The following IFT88 variants were observed in gnomAD, a reference collection of about 807,000 sequenced individuals.
IFT88 encodes the protein intraflagellar transport 88.
Under a neutral mutation model 119.5 loss-of-function variants are expected in IFT88, and 74 were observed. The observed-to-expected ratio is 0.62, with a 90% CI of 0.51 to 0.75. The LOEUF (loss-of-function observed/expected upper bound fraction) is 0.75, where lower values mean the gene tolerates loss of function less well. Ranked by LOEUF, IFT88 falls within the 30% of genes least tolerant of loss-of-function variation. The pLI is 0.00. For missense variants in IFT88, 961 were observed against 977.7 expected (o/e 0.98, Z 0.23); for synonymous variants, 279 against 316.7 (o/e 0.88, Z 1.26).
At chr13:20,607,519 C>G (rs545169881) in intron 13 of IFT88, 2 of 691,048 alleles carry the variant, frequency 2.9e-6, no homozygotes, top group Admixed American at 3.9e-5. Flanking sequence ...TGTGGGGAGG[C>G]CGCCACGCTG....
Position 20,589,847 on chromosome 13 carries a change from C to G in IFT88, c.190C>G (p.Pro64Ala). Residue 64 changes from proline (P) to alanine (A), a missense_variant, in exon 4 of 26, where the codon CCT becomes GCT. Transcript: ENST00000351808. ...AKISSTAVTR[P>A]IATGYGSKTS... Reference sequence around the variant, plus strand: ...AATATCAAGCACGGCAGTTACTAGACCTATAGCTACTGGATATGGGGTAGG... The same window carrying G: ...AATATCAAGCACGGCAGTTACTAGAGCTATAGCTACTGGATATGGGGTAGG... 1 of 1,597,186 alleles carries G rather than the reference C, an allele frequency of 6.3e-7. No individual in the cohort carries two copies. Among genetic ancestry groups the G allele is most frequent in the Non-Finnish European group, 8.6e-7 (1 of 1,168,452 alleles).
intron 23 of IFT88, among the ~76,000 whole-genome samples, chr13:20,667,786 A>G (rs2054998044): frequency 6.6e-6 from 1 of 151,722 alleles, no homozygotes; most frequent in Non-Finnish European, 1.5e-5. Context: ...GTTTCCCCCA[A>G]GCTGTATAAG....
At chr13:20,651,249 T>A (rs753797111) in intron 20 of IFT88, among the ~76,000 whole-genome samples, 44 of 151,966 alleles carry the variant, frequency 2.9e-4, no homozygotes, top group East Asian at 1.2e-3. Flanking sequence ...ACGTTATAGA[T>A]CACTTTGAGT....
chr13:20,586,242 G>C (rs575341030), intron 3 of IFT88, among the ~76,000 whole-genome samples: 1 of 152,216 alleles, frequency 6.6e-6, no homozygotes, highest in South Asian at 2.1e-4. Context: ...CATCCTACTT[G>C]TTATATTACA....
At chr13:20,623,851 G>A (rs2046908894) in intron 14 of IFT88, among the ~76,000 whole-genome samples, 1 of 152,040 alleles carries the variant, frequency 6.6e-6, no homozygotes, top group South Asian at 2.1e-4. Flanking sequence ...TAACCTCCTT[G>A]GTTATCCTTA....
chr13:20,679,521 A>G (rs1259617121), intron 24 of IFT88, among the ~76,000 whole-genome samples: 2 of 152,244 alleles, frequency 1.3e-5, no homozygotes, highest in Non-Finnish European at 2.9e-5. Flanking sequence ...ACAGGTATCC[A>G]TACGCCTTCT....
intron 1 of IFT88, among the ~76,000 whole-genome samples, chr13:20,568,941 C>T (rs1343111729): frequency 6.6e-6 from 1 of 151,970 alleles, no homozygotes; most frequent in African/African-American, 2.4e-5. Context: ...AGGATGGTCT[C>T]GATCTCCTGA....
chr13:20,593,622 C>T (rs533357104), intron 7 of IFT88, among the ~76,000 whole-genome samples: 1 of 151,746 alleles, frequency 6.6e-6, no homozygotes, highest in African/African-American at 2.4e-5. Context: ...TAGCAAGGAA[C>T]CTCTATAGAA....
intron 1 of IFT88, chr13:20,567,868 G>GTT (rs559121832): frequency 2.9e-3 from 1,869 of 653,412 alleles, no homozygotes; most frequent in South Asian, 4.1e-3. Flanking sequence ...TTTTTTGTTT[G>GTT]TTTTTTTTTT....
In IFT88 at chr13:20,567,811, A is replaced by G. The variant is rs190265640; in HGVS notation, c.-7+555A>G. 1.0e-4 allele frequency: 133 copies of G among 1,311,708 alleles called. No homozygotes were observed. The African/African-American group carries it at 1.7e-3, about 16-fold the overall frequency. The allele number at this position is 1,311,708 out of a possible 1,614,324, so 81.3% of individuals were successfully genotyped here. ...GTACTGTTGTCCCAAGATTCTTTCT[A>G]AGCCTAAAATTACACTTTTACTAGT... On this transcript the variant is annotated intron_variant, in intron 1 of 25. Transcript: ENST00000351808.
intron 13 of IFT88, among the ~76,000 whole-genome samples, chr13:20,613,866 T>C (rs2045100530): frequency 6.6e-6 from 1 of 152,058 alleles, no homozygotes. Flanking sequence ...CTTGAAAACA[T>C]GATAAATGAA....
chr13:20,672,488 C>T (rs1423020800), intron 24 of IFT88, among the ~76,000 whole-genome samples: 1 of 152,130 alleles, frequency 6.6e-6, no homozygotes, highest in Non-Finnish European at 1.5e-5. Context: ...TTGCTCTTCC[C>T]TAGCCCCAGA....
chr13:20,598,590 T>G (rs2042118519), intron 9 of IFT88, 61 bp from the exon 10 acceptor site: 1 of 923,330 alleles, frequency 1.1e-6, no homozygotes, highest in Non-Finnish European at 1.7e-6. Flanking sequence ...CTAGAAAGAT[T>G]ATAGGTGAAA....
intron 14 of IFT88, among the ~76,000 whole-genome samples, chr13:20,620,704 T>C (rs995665219): frequency 5.9e-5 from 9 of 152,072 alleles, no homozygotes; most frequent in African/African-American, 2.2e-4. Context: ...TAGCTGGGAC[T>C]ACAGGCGCCT....
chr13:20,586,668 A>G (rs1251840392), intron 3 of IFT88, among the ~76,000 whole-genome samples: 2 of 152,196 alleles, frequency 1.3e-5, no homozygotes, highest in African/African-American at 2.4e-5. Context: ...TAAAAAAATA[A>G]TGGTCTTCCC....
At chr13:20,616,493 CA>C (rs1206514283) in intron 14 of IFT88, among the ~76,000 whole-genome samples, 1 of 152,068 alleles carries the variant, frequency 6.6e-6, no homozygotes, top group Non-Finnish European at 1.5e-5. Context: ...TTGTAGTATT[CA>C]ATACAGTAAC....
At chr13:20,648,441 G>A (rs1566346555) in intron 20 of IFT88, among the ~76,000 whole-genome samples, 1 of 152,098 alleles carries the variant, frequency 6.6e-6, no homozygotes, top group Non-Finnish European at 1.5e-5. Flanking sequence ...GTTCAAGTGA[G>A]ATTGTTATAA....
At chr13:20,589,316 C>T (rs182220512) in intron 3 of IFT88, among the ~76,000 whole-genome samples, 34 of 152,260 alleles carry the variant, frequency 2.2e-4, no homozygotes, top group Non-Finnish European at 2.9e-4. Flanking sequence ...ATACTTTCAT[C>T]GATGTGCTCC....
intron 14 of IFT88, among the ~76,000 whole-genome samples, chr13:20,617,223 G>A (rs894149691): frequency 6.6e-6 from 1 of 152,082 alleles, no homozygotes; most frequent in African/African-American, 2.4e-5. Flanking sequence ...TTATTCCATT[G>A]CACAATTTGC....
Sources: allele counts gnomAD v4.1 joint callset (sites outside exome capture counted in the v4.1 genomes callset), GRCh38; gene constraint gnomAD v4.1.1; transcripts MANE v1.5; gene names NCBI Gene and HGNC (gene_info 2026-07-23, HGNC 2026-07-21).